The following FER1L6 variants were observed in gnomAD, a reference collection of about 807,000 sequenced individuals.
FER1L6 encodes fer-1-like protein 6.
In FER1L6, 177 loss-of-function variants were observed where a neutral mutation model predicts 219.2. The ratio of observed to expected loss-of-function variants is 0.81; its 90% CI spans 0.71 to 0.91. The LOEUF is 0.91. FER1L6 is among the 40% of genes least tolerant of loss of function. The pLI, the probability that FER1L6 is intolerant of heterozygous loss-of-function variation, is 0.00. For missense variants in FER1L6, 2,153 were observed against 2,259.9 expected (o/e 0.95, Z 0.96); for synonymous variants, 768 against 824.3 (o/e 0.93, Z 1.17).
At chr8:123,895,106 A>G (rs1812722555) in intron 1 of FER1L6, among the ~76,000 whole-genome samples, 1 of 152,248 alleles carries the variant, frequency 6.6e-6, no homozygotes, top group Non-Finnish European at 1.5e-5. Context: ...AGAAGATTGC[A>G]TCATCACTTC....
At chr8:124,039,777 T>C (rs4389914) in intron 19 of FER1L6, 105 bp from the exon 20 acceptor site, 1,231,488 of 1,453,948 alleles carry the variant, frequency 0.85, 522,971 homozygotes, top group Non-Finnish European at 0.86. Context: ...TCTCCTTTTG[T>C]CTGTCTGTGG....
At chr8:123,903,708 T>C (rs1812898869) in intron 1 of FER1L6, among the ~76,000 whole-genome samples, 1 of 152,156 alleles carries the variant, frequency 6.6e-6, no homozygotes. Flanking sequence ...CGCTTACGTA[T>C]GTTCACATTT....
intron 39 of FER1L6, among the ~76,000 whole-genome samples, chr8:124,113,388 G>A (rs778521480): frequency 6.6e-6 from 1 of 152,154 alleles, no homozygotes; most frequent in Admixed American, 6.6e-5. Context: ...AATTTAAGCT[G>A]TAGACATTCT....
chr8:124,044,981 A>T (rs949656619), intron 20 of FER1L6, among the ~76,000 whole-genome samples: 1 of 152,252 alleles, frequency 6.6e-6, no homozygotes, highest in Non-Finnish European at 1.5e-5. Flanking sequence ...CCAACTGTAT[A>T]ATGGTACAGT....
At chr8:124,073,603 AT>A (rs1411840001) in intron 31 of FER1L6, among the ~76,000 whole-genome samples, 1 of 152,054 alleles carries the variant, frequency 6.6e-6, no homozygotes, top group East Asian at 1.9e-4. Context: ...TAGGTTGGCC[AT>A]TTTTTTCTAG....
intron 33 of FER1L6, 83 bp downstream of exon 33, chr8:124,082,541 C>T: frequency 7.5e-7 from 1 of 1,332,640 alleles, no homozygotes; most frequent in Non-Finnish European, 1.0e-6. Flanking sequence ...TCCCAGTTGT[C>T]CATCTCTAGG....
intron 1 of FER1L6, among the ~76,000 whole-genome samples, chr8:123,922,542 A>C (rs1039673750): frequency 6.6e-6 from 1 of 152,004 alleles, no homozygotes. Context: ...GGGAACTAAG[A>C]TGTGTGTGCC....
chr8:124,055,065 A>G (rs1417502483), intron 22 of FER1L6, among the ~76,000 whole-genome samples: 2 of 152,176 alleles, frequency 1.3e-5, no homozygotes, highest in Non-Finnish European at 2.9e-5. Context: ...TTTTGGATCA[A>G]CTGATGAGAT....
intron 12 of FER1L6, among the ~76,000 whole-genome samples, chr8:123,996,674 G>T (rs1817148341): frequency 6.6e-6 from 1 of 151,850 alleles, no homozygotes; most frequent in East Asian, 1.9e-4. Context: ...TTTGTTATTT[G>T]TTTTCTGGTT....
chr8:124,015,060 G>T (rs1074934), intron 15 of FER1L6, among the ~76,000 whole-genome samples: 87 of 152,088 alleles, frequency 5.7e-4, no homozygotes, highest in African/African-American at 1.8e-3. Flanking sequence ...GCCTTGCCAC[G>T]TGAGCCTCTC....
At chr8:123,904,324 G>A (rs937244706) in intron 1 of FER1L6, among the ~76,000 whole-genome samples, 5 of 150,148 alleles carry the variant, frequency 3.3e-5, no homozygotes, top group Non-Finnish European at 5.9e-5. Flanking sequence ...GAGGCTATAG[G>A]GAAGGTTGGA....
chr8:123,930,063 C>T (rs565341964), intron 1 of FER1L6, among the ~76,000 whole-genome samples: 2 of 151,836 alleles, frequency 1.3e-5, no homozygotes, highest in Admixed American at 1.3e-4. Flanking sequence ...ACAGACAGGT[C>T]CCACGTACCC....
At chr8:124,042,510 C>G (rs1819548330) in intron 20 of FER1L6, among the ~76,000 whole-genome samples, 1 of 152,218 alleles carries the variant, frequency 6.6e-6, no homozygotes, top group Non-Finnish European at 1.5e-5. Flanking sequence ...ATGGTGGAGC[C>G]AAGATGGAAA....
chr8:123,986,395 G>A (rs1284651707), intron 12 of FER1L6, among the ~76,000 whole-genome samples: 2 of 151,992 alleles, frequency 1.3e-5, no homozygotes, highest in Non-Finnish European at 2.9e-5. Context: ...GTACACAGTA[G>A]GTGTATATAT....
intron 33 of FER1L6, among the ~76,000 whole-genome samples, chr8:124,089,350 T>G (rs1821922696): frequency 6.6e-6 from 1 of 152,186 alleles, no homozygotes; most frequent in Non-Finnish European, 1.5e-5. Context: ...AGTGCACAGA[T>G]CCTCTCTCCA....
chr8:124,066,308 G>A (rs1820827298), intron 26 of FER1L6, 120 bp from the exon 27 acceptor site: 2 of 1,114,506 alleles, frequency 1.8e-6, no homozygotes, highest in Non-Finnish European at 2.6e-6. Context: ...CAAAACCAGT[G>A]GATACCTCTG....
At chr8:124,009,339 AT>A (rs1235157904) in intron 13 of FER1L6, among the ~76,000 whole-genome samples, 1 of 152,126 alleles carries the variant, frequency 6.6e-6, no homozygotes, top group Non-Finnish European at 1.5e-5. Context: ...TGACTGCTAC[AT>A]TTCATAAGAA....
intron 1 of FER1L6, among the ~76,000 whole-genome samples, chr8:123,887,994 CTG>C (rs1817236706): frequency 6.6e-6 from 1 of 152,142 alleles, no homozygotes; most frequent in East Asian, 1.9e-4. Flanking sequence ...AGTACCCTGA[CTG>C]TTTCAAGTTA....
At chr8:124,010,488 A>T (rs142590231) in intron 13 of FER1L6, 106 bp from the exon 14 acceptor site, 8 of 1,356,992 alleles carry the variant, frequency 5.9e-6, no homozygotes, top group Admixed American at 2.3e-5. Flanking sequence ...TTTTTTCATC[A>T]TGCCTCCCGA....
Sources: gnomAD v4.1 joint callset for allele counts (sites outside exome capture counted in the v4.1 genomes callset) on GRCh38, gnomAD v4.1.1 for gene constraint, MANE v1.5 for transcripts, NCBI Gene and HGNC (gene_info 2026-07-23, HGNC 2026-07-21) for gene names.